CEP112: variants seen among roughly 807,000 people sequenced by gnomAD.
The protein encoded by CEP112 is centrosomal protein of 112 kDa.
Under a neutral mutation model 153.0 loss-of-function variants are expected in CEP112, and 127 were observed. The observed-to-expected ratio is 0.83, with a 90% CI of 0.72 to 0.96. The LOEUF (loss-of-function observed/expected upper bound fraction) is 0.96, where lower values mean the gene tolerates loss of function less well. Ranked by LOEUF, CEP112 falls within the 40% of genes least tolerant of loss-of-function variation. The pLI is 0.00. For missense variants in CEP112, 1,089 were observed against 1,101.2 expected (o/e 0.99, Z 0.16); for synonymous variants, 358 against 374.4 (o/e 0.96, Z 0.51).
intron 24 of CEP112, among the ~76,000 whole-genome samples, chr17:65,678,335 T>G (rs547684354): frequency 2.6e-5 from 4 of 152,288 alleles, no homozygotes; most frequent in African/African-American, 9.6e-5. Flanking sequence ...TACTTGATAA[T>G]TCTATTCTGC....
intron 26 of CEP112, 49 bp downstream of exon 26, chr17:65,637,075 A>T (rs2044809993): frequency 1.2e-5 from 17 of 1,407,018 alleles, no homozygotes; most frequent in Non-Finnish European, 1.6e-5. Context: ...CTCACAGGTG[A>T]CACAACACAA....
At chr17:65,909,694 C>T (rs1470531548) in intron 19 of CEP112, among the ~76,000 whole-genome samples, 1 of 152,090 alleles carries the variant, frequency 6.6e-6, no homozygotes, top group Non-Finnish European at 1.5e-5. Context: ...AAATACAGAA[C>T]ATGAGAACAT....
intron 6 of CEP112, among the ~76,000 whole-genome samples, chr17:66,108,822 G>T (rs1201931372): frequency 6.6e-6 from 1 of 152,154 alleles, no homozygotes; most frequent in Non-Finnish European, 1.5e-5. Context: ...GCCCATCTTT[G>T]TTGTAGCACT....
At chr17:65,786,845 C>G (rs1299251129) in intron 21 of CEP112, among the ~76,000 whole-genome samples, 1 of 152,110 alleles carries the variant, frequency 6.6e-6, no homozygotes, top group South Asian at 2.1e-4. Context: ...CTTCGTCTCC[C>G]TAAGTGCTGG....
At chr17:66,174,994 AG>A in intron 4 of CEP112, 49 bp downstream of exon 4, 1 of 1,318,424 alleles carries the variant, frequency 7.6e-7, no homozygotes, top group Non-Finnish European at 1.0e-6. Flanking sequence ...TCAGTTCCAA[AG>A]ACAGACTAAA....
chr17:65,792,098 T>C (rs1183443023), intron 21 of CEP112, among the ~76,000 whole-genome samples: 1 of 152,174 alleles, frequency 6.6e-6, no homozygotes, highest in Non-Finnish European at 1.5e-5. Context: ...AAATCAGTTT[T>C]CTACAAGTTA....
chr17:66,188,608 G>A (rs1009191006), intron 1 of CEP112, among the ~76,000 whole-genome samples: 1 of 147,632 alleles, frequency 6.8e-6, no homozygotes, highest in Non-Finnish European at 1.5e-5. Context: ...TTACACATCT[G>A]TGTATTATTA....
Position 66,120,440 on chromosome 17 carries a change from A to T in CEP112, c.642+9306T>A, listed in dbSNP as rs142505876. On this transcript the variant is annotated intron_variant, in intron 6 of 26. Transcript: ENST00000535342. ...GGTCTCGAACTCCTGGCCTCAGGTCATCAGCCCACCTTGGCCTCCCAAAGT... is the reference window on the plus strand; with the variant it reads ...GGTCTCGAACTCCTGGCCTCAGGTCTTCAGCCCACCTTGGCCTCCCAAAGT... 4.2e-3 allele frequency among the ~76,000 whole-genome samples: 632 copies of T among 152,282 alleles called. 5 individuals are homozygous for T. The highest frequency in any genetic ancestry group is 0.015 in the African/African-American group (607 of 41,566).
chr17:65,707,810 TA>T (rs1228172424), intron 23 of CEP112, among the ~76,000 whole-genome samples: 1 of 152,186 alleles, frequency 6.6e-6, no homozygotes, highest in Non-Finnish European at 1.5e-5. Flanking sequence ...TAACTTTAAT[TA>T]AAGAGACAAT....
chr17:65,952,428 T>A (rs2061866669), intron 18 of CEP112, among the ~76,000 whole-genome samples: 1 of 152,086 alleles, frequency 6.6e-6, no homozygotes, highest in African/African-American at 2.4e-5. Context: ...TTGAGATCCA[T>A]CCATGCTGTT....
chr17:65,934,098 A>G (rs906187965), intron 18 of CEP112, among the ~76,000 whole-genome samples: 10 of 152,332 alleles, frequency 6.6e-5, no homozygotes, highest in Non-Finnish European at 1.3e-4. Flanking sequence ...CTGAGGCACG[A>G]GAACTGCTTG....
At chr17:65,898,712 G>T (rs2059741904) in intron 20 of CEP112, among the ~76,000 whole-genome samples, 1 of 152,122 alleles carries the variant, frequency 6.6e-6, no homozygotes, top group Admixed American at 6.6e-5. Context: ...CTTCTGCAAG[G>T]TTGCTGCATT....
intron 6 of CEP112, among the ~76,000 whole-genome samples, chr17:66,124,303 G>A (rs2069736332): frequency 6.6e-6 from 1 of 151,958 alleles, no homozygotes; most frequent in Non-Finnish European, 1.5e-5. Context: ...TTCTTTTCCA[G>A]TCCCACTGGC....
chr17:65,653,503 G>A (rs8074382), intron 24 of CEP112, among the ~76,000 whole-genome samples: 16,004 of 152,130 alleles, frequency 0.11, 948 homozygotes, highest in African/African-American at 0.14. Context: ...GGAGCATGGC[G>A]TGTACTCTGA....
chr17:65,828,285 C>T (rs76794358), intron 21 of CEP112, among the ~76,000 whole-genome samples: 2 of 152,308 alleles, frequency 1.3e-5, no homozygotes, highest in South Asian at 2.1e-4. Flanking sequence ...GTCCCTGCTT[C>T]CCCAGGTGTG....
Position 65,675,463 on chromosome 17 carries a change from C to A in CEP112, c.2697+13666G>T, listed in dbSNP as rs150429300. ...TCAAGTGATCCACCCACCTCGGCCT[C>A]CCAAAGTGCTGGGATTACAGGTGTG... On this transcript the variant is annotated intron_variant, in intron 24 of 26. Coordinates refer to ENST00000535342, the MANE Select transcript of CEP112 (RefSeq NM_001199165.4). Among the ~76,000 whole-genome samples the A allele has an allele frequency of 6.3e-3, 964 of 152,188 alleles. 9 individuals are homozygous for A. Among genetic ancestry groups the A allele is most frequent in the African/African-American group, 0.022 (910 of 41,512 alleles).
chr17:65,789,840 A>G (rs1316498375), intron 21 of CEP112, among the ~76,000 whole-genome samples: 3 of 152,176 alleles, frequency 2.0e-5, no homozygotes, highest in Non-Finnish European at 2.9e-5. Context: ...GGGAGGGGGA[A>G]TATGTTGTAC....
At chr17:65,846,360 T>C (rs1241017376) in intron 21 of CEP112, among the ~76,000 whole-genome samples, 2 of 152,198 alleles carry the variant, frequency 1.3e-5, no homozygotes, top group African/African-American at 4.8e-5. Flanking sequence ...AGATTAATGC[T>C]ATGTTTTTAA....
At chr17:65,762,275 T>A (rs535058430) in intron 21 of CEP112, among the ~76,000 whole-genome samples, 1 of 152,058 alleles carries the variant, frequency 6.6e-6, no homozygotes, top group East Asian at 1.9e-4. Flanking sequence ...AGTGTTAGTA[T>A]GGTATATATT....
Sources: gnomAD v4.1 joint callset for allele counts (sites outside exome capture counted in the v4.1 genomes callset) on GRCh38, gnomAD v4.1.1 for gene constraint, MANE v1.5 for transcripts, NCBI Gene and HGNC (gene_info 2026-07-23, HGNC 2026-07-21) for gene names.